Variants in AGT observed in about 807,000 individuals in gnomAD.
AGT encodes the protein angiotensinogen.
A neutral mutation model predicts 28.1 loss-of-function variants in AGT; 26 were observed. The observed-to-expected ratio is 0.92, with a 90% CI of 0.68 to 1.28. AGT has a LOEUF of 1.28. Ranked by LOEUF, AGT falls within the 50% of genes most tolerant of loss-of-function variation. The pLI, the probability that AGT is intolerant of heterozygous loss-of-function variation, is 0.00. For synonymous variants in AGT, 259 were observed against 259.6 expected (o/e 1.00, Z 0.02); for missense variants, 596 against 592.3 (o/e 1.01, Z -0.06).
chr1:230,704,430 C>G, intron 3 of AGT, 93 bp from the exon 4 acceptor site: 3 of 1,495,538 alleles, frequency 2.0e-6, no homozygotes, highest in Non-Finnish European at 1.8e-6. Flanking sequence ...GCACCCAACC[C>G]TGACGACAGG....
intron 3 of AGT, 23 bp from the exon 4 acceptor site, chr1:230,704,360 G>T (rs754843894): frequency 6.2e-7 from 1 of 1,613,484 alleles, no homozygotes; most frequent in Non-Finnish European, 8.5e-7. Flanking sequence ...TGCACAGTTA[G>T]GAAGGCTCCA....
At chr1:230,721,095 A>T (rs1424180939) in intron 1 of AGT, among the ~76,000 whole-genome samples, 1 of 152,182 alleles carries the variant, frequency 6.6e-6, no homozygotes, top group African/African-American at 2.4e-5. Context: ...GACCGAGAAA[A>T]ATCCTGCATC....
chr1:230,729,494 G>C (rs1471663672), intron 1 of AGT, among the ~76,000 whole-genome samples: 1 of 152,112 alleles, frequency 6.6e-6, no homozygotes, highest in Non-Finnish European at 1.5e-5. Flanking sequence ...ACTTTTGTCA[G>C]CTTGATTACC....
intron 1 of AGT, among the ~76,000 whole-genome samples, chr1:230,725,294 G>A (rs1180967221): frequency 6.6e-6 from 1 of 152,144 alleles, no homozygotes; most frequent in Non-Finnish European, 1.5e-5. Context: ...TTTGACGGGG[G>A]ATGCATCCCT....
intron 1 of AGT, among the ~76,000 whole-genome samples, chr1:230,745,380 C>A (rs1272970274): frequency 2.6e-5 from 4 of 152,200 alleles, no homozygotes; most frequent in South Asian, 2.1e-4. Flanking sequence ...AGCTTGGAAG[C>A]AGGGACAGAC....
chr1:230,744,936 A>G (rs903896256), intron 1 of AGT, among the ~76,000 whole-genome samples: 24 of 152,280 alleles, frequency 1.6e-4, no homozygotes, highest in African/African-American at 5.5e-4. Flanking sequence ...CCGAGGTGTC[A>G]CCAGAAATGG....
intron 4 of AGT, among the ~76,000 whole-genome samples, 192 bp downstream of exon 4, chr1:230,704,001 G>A (rs1663306869): frequency 6.6e-6 from 1 of 152,200 alleles, no homozygotes; most frequent in South Asian, 2.1e-4. Flanking sequence ...GGGATGGGGA[G>A]GGATTTGCTG....
At chr1:230,718,932 G>A (rs763348332), upstream of AGT, among the ~76,000 whole-genome samples, 2 of 151,806 alleles carry the variant, frequency 1.3e-5, no homozygotes, top group Non-Finnish European at 2.9e-5. Context: ...TTTCACCATG[G>A]TGCCCAGGCT....
chr1:230,711,832 A>T (rs1015741509), intron 1 of AGT, among the ~76,000 whole-genome samples: 5 of 150,820 alleles, frequency 3.3e-5, no homozygotes, highest in Non-Finnish European at 7.4e-5. Flanking sequence ...AAAAAAAAAA[A>T]AAATAGAAAA....
chr1:230,710,144 GGGA>G lies in AGT; in HGVS notation c.677_679del (p.Leu226del). 6.2e-7 allele frequency: 1 copy of G among 1,614,170 alleles called. No individual in the cohort carries two copies. The highest frequency in any genetic ancestry group is 1.1e-5 in the South Asian group (1 of 91,082). ...CAGTTCTGTGAAGTCCAGAGAGCGT[GGGA>G]GGACCACAGGGGTATAGAGAGCCAG... On this transcript the variant is annotated inframe_deletion, in exon 2 of 5. Coordinates refer to ENST00000366667, the MANE Select transcript of AGT (RefSeq NM_001384479.1).
intron 1 of AGT, among the ~76,000 whole-genome samples, chr1:230,733,002 C>T (rs1664094402): frequency 6.6e-6 from 1 of 152,076 alleles, no homozygotes; most frequent in South Asian, 2.1e-4. Context: ...TCAGTCCCTG[C>T]TGGTCTCGGT....
upstream of AGT, among the ~76,000 whole-genome samples, chr1:230,716,833 C>A (rs924253513): frequency 6.6e-6 from 1 of 151,802 alleles, no homozygotes; most frequent in Non-Finnish European, 1.5e-5. Flanking sequence ...CAGTCAGAAT[C>A]GGATCCAGGA....
intron 1 of AGT, among the ~76,000 whole-genome samples, chr1:230,721,685 A>T (rs1331056614): frequency 1.3e-5 from 2 of 152,340 alleles, no homozygotes; most frequent in East Asian, 3.9e-4. Context: ...GATGGAAATA[A>T]GGAACTTATT....
At chr1:230,714,580 G>A (rs990351824), upstream of AGT, among the ~76,000 whole-genome samples, 1 of 152,140 alleles carries the variant, frequency 6.6e-6, no homozygotes, top group South Asian at 2.1e-4. Context: ...CCTGCTGCCC[G>A]CTCATGGGAT....
chr1:230,741,735 T>C (rs552524345), intron 1 of AGT, among the ~76,000 whole-genome samples: 18 of 152,224 alleles, frequency 1.2e-4, no homozygotes, highest in African/African-American at 3.9e-4. Flanking sequence ...GAAGATCTAG[T>C]TCTCATCTTC....
At chr1:230,709,526 G>T (rs1191138955) in intron 2 of AGT, among the ~76,000 whole-genome samples, 1 of 151,932 alleles carries the variant, frequency 6.6e-6, no homozygotes, top group African/African-American at 2.4e-5. Flanking sequence ...CAAGCCAATT[G>T]CTTATTTCTG....
At chr1:230,739,120 G>C (rs1000219476) in intron 1 of AGT, among the ~76,000 whole-genome samples, 1 of 151,858 alleles carries the variant, frequency 6.6e-6, no homozygotes, top group Non-Finnish European at 1.5e-5. Flanking sequence ...CACTTTGGGA[G>C]GCCAAGGCAG....
rs1357277088 is a variant in AGT, at chr1:230,709,482, AG to A, written c.829+512del. 2.0e-5 allele frequency among the ~76,000 whole-genome samples: 3 copies of A among 152,082 alleles called. No homozygotes were observed. The East Asian group carries it at 5.8e-4, about 29-fold the overall frequency. Reference sequence around the variant, plus strand: ...ACAATCTTTGTAGTAGAGGGTTTTCAGTAATGCCCCTCCTAACATGAAAGGG... The same window carrying A: ...ACAATCTTTGTAGTAGAGGGTTTTCATAATGCCCCTCCTAACATGAAAGGG... On this transcript the variant is annotated intron_variant, in intron 2 of 4. Transcript: ENST00000366667.
chr1:230,723,095 GA>G (rs1415410766), intron 1 of AGT, among the ~76,000 whole-genome samples: 1 of 152,158 alleles, frequency 6.6e-6, no homozygotes, highest in Non-Finnish European at 1.5e-5. Context: ...CTATTCTCAT[GA>G]GAGTGAGTTT....
Sources: allele counts gnomAD v4.1 joint callset (sites outside exome capture counted in the v4.1 genomes callset), GRCh38; gene constraint gnomAD v4.1.1; transcripts MANE v1.5; gene names NCBI Gene and HGNC (gene_info 2026-07-23, HGNC 2026-07-21).